Variants in PKD1L1 observed in about 807,000 individuals in gnomAD.
PKD1L1 encodes the protein polycystin-1-like protein 1.
A neutral mutation model predicts 323.4 loss-of-function variants in PKD1L1; 236 were observed. That is an observed-to-expected ratio of 0.73 (90% CI 0.66 to 0.81). PKD1L1 has a LOEUF of 0.81. Ranked by LOEUF, PKD1L1 falls within the 40% of genes least tolerant of loss-of-function variation. The pLI is 0.00. For synonymous variants in PKD1L1, 1,344 were observed against 1,335.0 expected, an observed-to-expected ratio of 1.01 and a Z score of -0.15; for missense variants, 3,320 against 3,508.0, an observed-to-expected ratio of 0.95 and a Z score of 1.35.
chr7:47,936,585 T>C (rs1032451119), intron 4 of PKD1L1, among the ~76,000 whole-genome samples: 1 of 152,196 alleles, frequency 6.6e-6, no homozygotes, highest in Non-Finnish European at 1.5e-5. Flanking sequence ...GATTTCAAAA[T>C]AGAGATGATG....
At chr7:47,837,828 C>T (rs1222295669) in intron 36 of PKD1L1, among the ~76,000 whole-genome samples, 1 of 152,132 alleles carries the variant, frequency 6.6e-6, no homozygotes, top group Non-Finnish European at 1.5e-5. Context: ...AAAGTATATA[C>T]AGAACTGCTC....
At position 47,880,752 on chromosome 7, in the gene PKD1L1, T is replaced by A. The variant is rs1255717250; in HGVS notation, c.3496A>T (p.Thr1166Ser). Residue 1166 changes from threonine (T) to serine (S), a missense_variant, in exon 21 of 57, where the codon ACG (threonine) becomes TCG (serine). Transcript: ENST00000289672. ...IKPYSLSSGETYVLQVSVASK... is the reference protein window; with the variant it reads ...IKPYSLSSGESYVLQVSVASK... ...CCCACAGACACTTGCAGGACGTACG[T>A]CTCTCCACTGCTCAGAGAGTATGGC... The A allele has an allele frequency of 6.2e-7, 1 of 1,609,004 alleles. No individual in the cohort carries two copies. The highest frequency in any genetic ancestry group is 2.2e-5 in the East Asian group (1 of 44,472).
At position 47,792,764 on chromosome 7, in the gene PKD1L1, C is replaced by CT; in HGVS notation, c.8388dup (p.Asp2797ArgfsTer8). ...CCATTAATCTTCATCAGAAGTTCGT[C>CT]TAACAGATTTGCAAATTCATCCAAG... On this transcript the variant is annotated frameshift_variant, in exon 56 of 57. Transcript: ENST00000289672. LOFTEE classifies it high-confidence loss of function. 37 of 1,613,796 alleles carry CT rather than the reference C, an allele frequency of 2.3e-5. No homozygotes were observed. The highest frequency in any genetic ancestry group is 3.1e-5 in the Non-Finnish European group (37 of 1,179,922).
rs1785380908 is a variant in PKD1L1, at chr7:47,833,073, T to G, written c.6337+17A>C. 1 of 1,601,648 alleles carries G rather than the reference T, an allele frequency of 6.2e-7. No homozygotes were observed. Among genetic ancestry groups the G allele is most frequent in the Admixed American group, 1.7e-5 (1 of 58,882 alleles). ...TGGACTGGCAGGAAGGGGGCTGTGG[T>G]TGCAAGCCACAGTTACCTTGAGTGT... On this transcript the variant is annotated intron_variant, in intron 41 of 56. Coordinates refer to ENST00000289672, the MANE Select transcript of PKD1L1 (RefSeq NM_138295.5).
At chr7:47,941,821 C>A (rs1446534720) in intron 2 of PKD1L1, among the ~76,000 whole-genome samples, 1 of 152,014 alleles carries the variant, frequency 6.6e-6, no homozygotes, top group Non-Finnish European at 1.5e-5. Flanking sequence ...AGTGGATATA[C>A]CCCTGAACAG....
intron 44 of PKD1L1, among the ~76,000 whole-genome samples, 154 bp downstream of exon 44, chr7:47,829,271 G>A (rs182000214): frequency 6.6e-6 from 1 of 152,232 alleles, no homozygotes; most frequent in Admixed American, 6.5e-5. Context: ...CTATCATACA[G>A]GTATGTGCAA....
Position 47,840,601 on chromosome 7 carries a change from T to A in PKD1L1, c.5446-34A>T, listed in dbSNP as rs879060111. ...AAAGAACAGGGGTGGGAACTCAGGC[T>A]ATTTCACAGCAGACACCATGCAATG... On this transcript the variant is annotated intron_variant, in intron 34 of 56. Coordinates refer to ENST00000289672, the MANE Select transcript of PKD1L1 (RefSeq NM_138295.5). This position sits in a 1 kb window ranked among gnomAD's most constrained non-coding sequence, Gnocchi z 4.1. 6.6e-7 allele frequency: 1 copy of A among 1,506,904 alleles called. No homozygotes were observed. The highest frequency in any genetic ancestry group is 1.4e-5 in the African/African-American group (1 of 72,864). The allele number at this position is 1,506,904 out of a possible 1,614,324, so 93.3% of individuals were successfully genotyped here. A position where few individuals can be genotyped will look rare whatever the true frequency, so the allele number is the denominator to read the frequency against.
At chr7:47,808,579 C>A (rs1240468342) in intron 51 of PKD1L1, among the ~76,000 whole-genome samples, 192 bp from the exon 52 acceptor site, 1 of 152,196 alleles carries the variant, frequency 6.6e-6, no homozygotes, top group Admixed American at 6.5e-5. Context: ...CATAGACAGT[C>A]CCACACACCT....
At chr7:47,936,639 G>A (rs1053990772) in intron 4 of PKD1L1, among the ~76,000 whole-genome samples, 1 of 152,154 alleles carries the variant, frequency 6.6e-6, no homozygotes, top group African/African-American at 2.4e-5. Context: ...CCAGCATTCG[G>A]GGGTTTGTCA....
At chr7:47,825,531 C>CA (rs113757054) in intron 45 of PKD1L1, among the ~76,000 whole-genome samples, 3,027 of 92,344 alleles carry the variant, frequency 0.033, 72 homozygotes, top group African/African-American at 0.092. Context: ...AACTCTGTCT[C>CA]AAAAAAAAAA....
At chr7:47,877,337 C>G in intron 22 of PKD1L1, 152 bp downstream of exon 22, 1 of 1,128,544 alleles carries the variant, frequency 8.9e-7, no homozygotes, top group Non-Finnish European at 1.3e-6. Context: ...CCCATTCATG[C>G]CTAACCAACT....
At chr7:47,941,696 G>C (rs1363344153) in intron 2 of PKD1L1, among the ~76,000 whole-genome samples, 1 of 152,176 alleles carries the variant, frequency 6.6e-6, no homozygotes, top group African/African-American at 2.4e-5. Context: ...ACACATCCGA[G>C]AGGAAGAAAT....
intron 21 of PKD1L1, among the ~76,000 whole-genome samples, chr7:47,878,479 C>G (rs1023577732): frequency 2.6e-5 from 4 of 152,202 alleles, no homozygotes; most frequent in African/African-American, 9.7e-5. Flanking sequence ...CAGGTACCAT[C>G]TATTGAGCCT....
rs530658905 is a variant in PKD1L1, at chr7:47,826,579, A to G, written c.6854+771T>C. ...GTGACATGCTATTTTTTAAAAAACT[A>G]TCAGAAATTCCCAAGTCCTTGACAA... On this transcript the variant is annotated intron_variant, in intron 45 of 56. Coordinates refer to ENST00000289672, the MANE Select transcript of PKD1L1 (RefSeq NM_138295.5). Among the ~76,000 whole-genome samples the G allele has an allele frequency of 2.4e-4, 36 of 152,344 alleles. 2 individuals are homozygous for G. In the South Asian group the frequency reaches 7.5e-3, roughly 32 times the overall value.
At chr7:47,959,160 C>G in the PKD1L1 span, among the ~76,000 whole-genome samples, 1 of 152,096 alleles carries the variant, frequency 6.6e-6, no homozygotes, top group African/African-American at 2.4e-5. Context: ...GTGGCGTGAT[C>G]TCGGCTCGCT....
In PKD1L1 at chr7:47,840,198, A is replaced by T. The variant is rs928310340; in HGVS notation, c.5552+263T>A. The stretch of plus-strand genomic sequence containing the variant: ...CAGAAGGTTTAGTGTCATAGAAAAC[A>T]CTGATTATGAACTTTACTAGTATGT... On this transcript the variant is annotated intron_variant, in intron 35 of 56. Coordinates refer to ENST00000289672, the MANE Select transcript of PKD1L1 (RefSeq NM_138295.5). The surrounding 1 kb of genome is among the most constrained non-coding windows in gnomAD (Gnocchi z 4.1). Among the ~76,000 whole-genome samples, 2 of 152,206 alleles carry T rather than the reference A, an allele frequency of 1.3e-5. No individual in the cohort carries two copies. Among genetic ancestry groups the T allele is most frequent in the African/African-American group, 4.8e-5 (2 of 41,458 alleles).
At chr7:47,781,722 T>C (rs1056319878) in intron 56 of PKD1L1, among the ~76,000 whole-genome samples, 1 of 152,158 alleles carries the variant, frequency 6.6e-6, no homozygotes, top group Non-Finnish European at 1.5e-5. Flanking sequence ...ACAAAAATTT[T>C]CAATTTTTAA....
chr7:47,935,023 T>G (rs1787841729), intron 4 of PKD1L1, among the ~76,000 whole-genome samples: 1 of 152,118 alleles, frequency 6.6e-6, no homozygotes, highest in Admixed American at 6.5e-5. Context: ...CTGCTCTTGT[T>G]TCTCGTGTGT....
At chr7:47,906,003 A>T (rs765996460) in intron 9 of PKD1L1, 41 bp from the exon 10 acceptor site, 9 of 1,525,980 alleles carry the variant, frequency 5.9e-6, no homozygotes, top group Non-Finnish European at 8.0e-6. Flanking sequence ...AAAGTCTTAA[A>T]ATTAATTCAC....
Sources: allele counts gnomAD v4.1 joint callset (sites outside exome capture counted in the v4.1 genomes callset), GRCh38; gene constraint gnomAD v4.1.1; non-coding constraint Gnocchi (gnomAD v3.1); transcripts MANE v1.5; gene names NCBI Gene and HGNC (gene_info 2026-07-23, HGNC 2026-07-21).